Variants in PCNT observed in about 807,000 individuals in gnomAD.
PCNT encodes kendrin.
PCNT carries 319 observed loss-of-function variants against 380.4 expected under a neutral mutation model. The observed-to-expected ratio is 0.84, with a 90% CI of 0.77 to 0.92. The LOEUF (loss-of-function observed/expected upper bound fraction) is 0.92, where lower values mean the gene tolerates loss of function less well. Among genes scored for constraint, PCNT ranks in the 40% least tolerant of loss-of-function variants. PCNT has a pLI of 0.00. For synonymous variants in PCNT, 1,845 were observed against 1,735.2 expected (o/e 1.06, Z -1.57); for missense variants, 4,400 against 4,255.3 (o/e 1.03, Z -0.95).
At position 46,363,882 on chromosome 21, in the gene PCNT, G is replaced by A. The variant is rs542316875; in HGVS notation, c.2557G>A (p.Ala853Thr). 26 of 1,610,962 alleles carry A rather than the reference G, an allele frequency of 1.6e-5. No homozygotes were observed. In the East Asian group the frequency reaches 3.1e-4, roughly 19 times the overall value. The change falls in exon 14 of 47, where the codon GCG becomes ACG. Residue 853 changes from alanine to threonine, a missense_variant. By Grantham distance (58) the Ala-to-Thr change is moderately conservative. Transcript: ENST00000359568. ...PPTAQDGELA[A>T]LHVKEDCALQ... is the part of the protein sequence containing the mutation. ...CACAGCCCAGGACGGGGAGCTTGCT[G>A]CGCTCCACGTGAAGGAAGACTGCGC...
At chr21:46,427,531 C>T in intron 33 of PCNT, 91 bp from the exon 34 acceptor site, 1 of 1,454,792 alleles carries the variant, frequency 6.9e-7, no homozygotes, top group South Asian at 1.1e-5. Flanking sequence ...CCCGCAGGCC[C>T]CATCTCCAAA....
intron 34 of PCNT, 61 bp from the exon 35 acceptor site, chr21:46,428,334 G>A: frequency 6.7e-7 from 1 of 1,499,048 alleles, no homozygotes; most frequent in Non-Finnish European, 9.2e-7. Flanking sequence ...GGGCAGCAGG[G>A]AAGGCCGGGG....
chr21:46,378,155 C>G (rs991450299), intron 15 of PCNT, among the ~76,000 whole-genome samples: 1 of 152,054 alleles, frequency 6.6e-6, no homozygotes, highest in Admixed American at 6.6e-5. Context: ...ACGGTGGTCG[C>G]CCCTTACCCA....
Position 46,445,316 on chromosome 21 carries a change from A to G in PCNT, c.10000A>G (p.Ile3334Val). 6.2e-7 allele frequency: 1 copy of G among 1,607,190 alleles called. No homozygotes were observed. The highest frequency in any genetic ancestry group is 8.5e-7 in the Non-Finnish European group (1 of 1,173,616). Residue 3334 changes from isoleucine to valine, a missense_variant, in exon 47 of 47, where the codon ATT (isoleucine) becomes GTT (valine). Transcript: ENST00000359568. ...STSKKSCHPM[I>V]KQ ...TTCAAAGAAATCCTGCCACCCGATG[A>G]TTAAACAGTGAATAAAATGTCATGG...
In PCNT at chr21:46,428,740, G is replaced by A. The variant is rs944768816; in HGVS notation, c.7690+150G>A. 7.9e-6 allele frequency: 6 copies of A among 759,426 alleles called. No homozygotes were observed. In the South Asian group the frequency reaches 8.2e-5, roughly 10 times the overall value. The allele number at this position is 759,426 out of a possible 1,614,324, so 47.0% of individuals were successfully genotyped here. A position where few individuals can be genotyped will look rare whatever the true frequency, so the allele number is the denominator to read the frequency against. On this transcript the variant is annotated intron_variant, in intron 35 of 46. Transcript: ENST00000359568. ...GCCATGGTTGTCAGCTGATAGGACT[G>A]AGCAGAAAGGACCCTGGAGACAGGC...
intron 1 of PCNT, chr21:46,325,173 G>C (rs2083333748): frequency 1.0e-6 from 1 of 985,666 alleles, no homozygotes; most frequent in African/African-American, 1.7e-5. Flanking sequence ...TCCCGAAAGC[G>C]CGAGGCGGAA....
chr21:46,325,539 A>AAAT (rs2083360018), intron 1 of PCNT, among the ~76,000 whole-genome samples: 1 of 152,230 alleles, frequency 6.6e-6, no homozygotes, highest in Non-Finnish European at 1.5e-5. Context: ...TTTCCTTGAG[A>AAAT]GACCATTTTC....
At chr21:46,325,405 G>A (rs1389888618) in intron 1 of PCNT, among the ~76,000 whole-genome samples, 3 of 151,850 alleles carry the variant, frequency 2.0e-5, no homozygotes, top group Non-Finnish European at 2.9e-5. Context: ...GGGAGGGAGG[G>A]ACAAGACGCC....
In PCNT at chr21:46,425,505, G is replaced by C. The variant is rs1173978681; in HGVS notation, c.7180-326G>C. On this transcript the variant is annotated intron_variant, in intron 32 of 46. Transcript: ENST00000359568. The surrounding 1 kb of genome is among the most constrained non-coding windows in gnomAD (Gnocchi z 4.2). ...GGCCTAAAGCCCTGCCCTGAGCTTT[G>C]TCCAGGCTTAGGCGGGGGACGGTGT... Among the ~76,000 whole-genome samples, 2 of 152,252 alleles carry C rather than the reference G, an allele frequency of 1.3e-5. No homozygotes were observed. The highest frequency in any genetic ancestry group is 1.9e-4 in the East Asian group (1 of 5,198).
intron 3 of PCNT, among the ~76,000 whole-genome samples, chr21:46,344,979 A>T (rs2084021008): frequency 6.6e-6 from 1 of 152,158 alleles, no homozygotes; most frequent in South Asian, 2.1e-4. Flanking sequence ...GGCACTGAGG[A>T]TTCGTAATAT....
At chr21:46,424,714 G>GC (rs57916708) in intron 32 of PCNT, among the ~76,000 whole-genome samples, 34,035 of 80,928 alleles carry the variant, frequency 0.42, 5,035 homozygotes, top group Non-Finnish European at 0.44. Flanking sequence ...CTCCCACTGC[G>GC]CCCCCCCCAA....
At chr21:46,441,948 A>G (rs2148107697) in intron 43 of PCNT, among the ~76,000 whole-genome samples, 1 of 152,138 alleles carries the variant, frequency 6.6e-6, no homozygotes, top group East Asian at 1.9e-4. Context: ...AGCCACAGGC[A>G]TGATGCTTGT....
chr21:46,378,165 A>C (rs766147056), intron 15 of PCNT, among the ~76,000 whole-genome samples: 2 of 151,846 alleles, frequency 1.3e-5, no homozygotes, highest in Non-Finnish European at 2.9e-5. Context: ...CCCCTTACCC[A>C]CAGGGGATGC....
chr21:46,346,289 G>A, intron 4 of PCNT, 81 bp downstream of exon 4: 1 of 709,966 alleles, frequency 1.4e-6, no homozygotes, highest in East Asian at 3.4e-5. Flanking sequence ...GGGTGGGGGT[G>A]GGGTGGGCGC....
rs1244132512 is a variant in PCNT, at chr21:46,366,785, G to A, written c.2811G>A (p.Lys937=). 1 of 1,613,766 alleles carries A rather than the reference G, an allele frequency of 6.2e-7. No individual in the cohort carries two copies. The highest frequency in any genetic ancestry group is 2.2e-5 in the East Asian group (1 of 44,872). ...AGCTGACAGCCTCCTTAGAGAGCAA[G>A]CAGGGGGCTCTGCTGGCTGCACGTG... ...LGELTASLES[K]QGALLAARVA... The change falls in exon 15 of 47, where the codon AAG becomes AAA. Residue 937 remains lysine, a synonymous_variant. Coordinates refer to ENST00000359568, the MANE Select transcript of PCNT (RefSeq NM_006031.6).
chr21:46,419,154 G>T (rs1171053327), intron 31 of PCNT, among the ~76,000 whole-genome samples: 1 of 152,134 alleles, frequency 6.6e-6, no homozygotes, highest in Non-Finnish European at 1.5e-5. Context: ...AAATCTGTTG[G>T]ATTTTTCAGC....
chr21:46,427,052 C>T (rs1212220304), intron 33 of PCNT, among the ~76,000 whole-genome samples: 2 of 152,228 alleles, frequency 1.3e-5, no homozygotes, highest in Non-Finnish European at 2.9e-5. Context: ...TGCACGCTGC[C>T]CCTGGGGACC....
intron 42 of PCNT, 118 bp from the exon 43 acceptor site, chr21:46,440,737 T>A: frequency 1.4e-6 from 1 of 738,724 alleles, no homozygotes; most frequent in Non-Finnish European, 2.4e-6. Flanking sequence ...GGCTCTGTGA[T>A]GATTTGATGG....
intron 21 of PCNT, among the ~76,000 whole-genome samples, chr21:46,397,028 CTG>C (rs1016462966): frequency 1.4e-4 from 21 of 152,292 alleles, no homozygotes; most frequent in South Asian, 2.1e-4. Context: ...GTCTGGGAGA[CTG>C]TACTGAAGGC....
Sources: gnomAD v4.1 joint callset for allele counts (sites outside exome capture counted in the v4.1 genomes callset) on GRCh38, gnomAD v4.1.1 for gene constraint, Gnocchi (gnomAD v3.1) non-coding constraint, MANE v1.5 for transcripts, NCBI Gene and HGNC (gene_info 2026-07-23, HGNC 2026-07-21) for gene names.